PWWP3A: variants seen among roughly 807,000 people sequenced by gnomAD.
PWWP3A encodes PWWP domain containing 3A, DNA repair factor, also known as PWWP domain-containing DNA repair factor 3A.
PWWP3A carries 53 observed loss-of-function variants against 79.0 expected under a neutral mutation model. That is an observed-to-expected ratio of 0.67 (90% confidence interval 0.54 to 0.84). PWWP3A has a LOEUF of 0.84. Among genes scored for constraint, PWWP3A ranks in the 40% least tolerant of loss-of-function variants. The pLI is 0.00. For synonymous variants in PWWP3A, 443 were observed against 394.4 expected (o/e 1.12, Z -1.46); for missense variants, 973 against 948.0 (o/e 1.03, Z -0.35).
In PWWP3A at chr19:1,362,304, A is replaced by G. The variant is rs777084880; in HGVS notation, c.1166A>G (p.Glu389Gly). 1 of 1,613,760 alleles carries G rather than the reference A, an allele frequency of 6.2e-7. No homozygotes were observed. The highest frequency in any genetic ancestry group is 1.1e-5 in the South Asian group (1 of 90,998). Residue 389 changes from glutamate to glycine, a missense_variant, in exon 6 of 14, where the codon GAG becomes GGG. Physicochemically the swap from Glu to Gly is moderately conservative, Grantham distance 98. Transcript: ENST00000591337. The stretch of plus-strand genomic sequence containing the variant: ...TCTAATTCCATGCGTTCTATCCTGG[A>G]GGAAGACGAGGAAGACGAGGAGCCA... ...MGSNSMRSIL[E>G]EDEEDEEPPR...
chr19:1,364,149 A>G (rs773348596), intron 6 of PWWP3A: 6 of 532,646 alleles, frequency 1.1e-5, no homozygotes, highest in Non-Finnish European at 2.2e-5. Context: ...CACACTCTTT[A>G]AAAGTGTCTT....
chr19:1,369,095 C>T lies in PWWP3A; in HGVS notation c.1423-170C>T. On this transcript the variant is annotated intron_variant, in intron 9 of 13. Transcript: ENST00000591337. This position sits in a 1 kb window ranked among gnomAD's most constrained non-coding sequence, Gnocchi z 4.0. ...GTGCGTTTCCCATTTACCAGAGGGT[C>T]CCTGTGCGAGGCGTCTGCCAGAGCC... is the stretch of plus-strand genomic sequence containing the variant. 1 of 616,194 alleles carries T rather than the reference C, an allele frequency of 1.6e-6. No homozygotes were observed. The highest frequency in any genetic ancestry group is 2.8e-5 in the East Asian group (1 of 35,136). The allele number at this position is 616,194 out of a possible 1,614,324, so 38.2% of individuals were successfully genotyped here.
At chr19:1,365,571 A>G (rs943323064) in intron 7 of PWWP3A, among the ~76,000 whole-genome samples, 1 of 152,238 alleles carries the variant, frequency 6.6e-6, no homozygotes, top group African/African-American at 2.4e-5. Flanking sequence ...GGGGAGGTTC[A>G]ACACGTTTAT....
chr19:1,362,033 C>CTCCCTCCT (rs371940039), intron 5 of PWWP3A: 48 of 394,926 alleles, frequency 1.2e-4, no homozygotes, highest in Non-Finnish European at 1.7e-4. Context: ...GCCTCTCTCC[C>CTCCCTCCT]TCCCTCCTTC....
At chr19:1,366,633 C>T (rs750375026) in intron 8 of PWWP3A, among the ~76,000 whole-genome samples, 7 of 152,222 alleles carry the variant, frequency 4.6e-5, no homozygotes, top group Non-Finnish European at 8.8e-5. Context: ...ACTTGATTTG[C>T]TGGCTTTGAA....
rs1007332743 is a variant in PWWP3A at position 1,378,095 on chromosome 19, C to T, written c.*1519C>T. 2 of 152,254 alleles carry T rather than the reference C, an allele frequency of 1.3e-5. No individual in the cohort carries two copies. Among genetic ancestry groups the T allele is most frequent in the Non-Finnish European group, 2.9e-5 (2 of 68,084 alleles). The allele number at this position is 152,254 out of a possible 1,614,324, so 9.4% of individuals were successfully genotyped here. A position where few individuals can be genotyped will look rare whatever the true frequency, so the allele number is the denominator to read the frequency against. On this transcript the variant is annotated 3_prime_UTR_variant, in exon 14 of 14. Transcript: ENST00000591337. ...GCCCGCACGCTGGGGTCTGTCTTGT[C>T]TGGAGCAGTGGGGCACACCCCGGAG...
chr19:1,376,433 CG>C (rs1480271753), intron 13 of PWWP3A, 85 bp from the exon 14 acceptor site: 2 of 1,372,434 alleles, frequency 1.5e-6, no homozygotes, highest in African/African-American at 2.9e-5. Flanking sequence ...GGATTACAGG[CG>C]TGAGCGACCA....
At chr19:1,356,190 A>C in intron 1 of PWWP3A, 134 bp from the exon 2 acceptor site, 2 of 592,432 alleles carry the variant, frequency 3.4e-6, no homozygotes, top group East Asian at 2.9e-5. Flanking sequence ...GGCATTGAGC[A>C]TCTCAATGCA....
At position 1,359,996 on chromosome 19, in the gene PWWP3A, G is replaced by A. The variant is rs1600100530; in HGVS notation, c.215-140G>A. ...CTCCTTTTTGGGAAAATGTAGGTGA[G>A]AAATGTTAGTCCTCCCCTTCAGTGA... On this transcript the variant is annotated intron_variant, in intron 4 of 13. Transcript: ENST00000591337. 6 of 793,438 alleles carry A rather than the reference G, an allele frequency of 7.6e-6. No homozygotes were observed. The East Asian group carries it at 1.8e-4, about 24-fold the overall frequency. The allele number at this position is 793,438 out of a possible 1,614,324, so 49.1% of individuals were successfully genotyped here. A position where few individuals can be genotyped will look rare whatever the true frequency, so the allele number is the denominator to read the frequency against.
Position 1,371,090 on chromosome 19 carries a change from A to G in PWWP3A, c.1986+12A>G. 6.4e-7 allele frequency: 1 copy of G among 1,553,580 alleles called. No homozygotes were observed. On this transcript the variant is annotated intron_variant, in intron 12 of 13. Transcript: ENST00000591337. ...TGCTTCTGCCCGAGGTGAGCCGCGG[A>G]CCGGCGTGTCACGTGGGCAGGGAGG...
At chr19:1,370,587 C>A (rs958201532) in intron 11 of PWWP3A, 55 bp from the exon 12 acceptor site, 1 of 1,417,632 alleles carries the variant, frequency 7.1e-7, no homozygotes, top group Non-Finnish European at 9.3e-7. Flanking sequence ...TGACCCACAG[C>A]CACCCGAGGA....
At chr19:1,367,314 G>A (rs1426481949) in intron 9 of PWWP3A, 94 bp downstream of exon 9, 8 of 1,078,124 alleles carry the variant, frequency 7.4e-6, no homozygotes, top group Admixed American at 6.2e-5. Context: ...CCATGGCTGC[G>A]GTGTACGCGT....
chr19:1,362,140 T>G (rs1450571110), intron 5 of PWWP3A, 110 bp from the exon 6 acceptor site: 1 of 839,468 alleles, frequency 1.2e-6, no homozygotes, highest in Non-Finnish European at 1.9e-6. Flanking sequence ...GTGTATAGCA[T>G]GGAACCTTTT....
Position 1,376,644 on chromosome 19 carries a change from C to G in PWWP3A, c.*68C>G, listed in dbSNP as rs2082409710. On this transcript the variant is annotated 3_prime_UTR_variant, in exon 14 of 14. Transcript: ENST00000591337. Reference sequence around the variant, plus strand: ...GCGCCTCCAGTGTGCATGAGCGTGTCTGAAGATGGGGGGCTCAGGGGGCAC... The same window carrying G: ...GCGCCTCCAGTGTGCATGAGCGTGTGTGAAGATGGGGGGCTCAGGGGGCAC... The G allele has an allele frequency of 6.6e-7, 1 of 1,526,154 alleles. No homozygotes were observed. Among genetic ancestry groups the G allele is most frequent in the Non-Finnish European group, 9.0e-7 (1 of 1,107,844 alleles). The allele number at this position is 1,526,154 out of a possible 1,614,324, so 94.5% of individuals were successfully genotyped here. A position where few individuals can be genotyped will look rare whatever the true frequency, so the allele number is the denominator to read the frequency against.
At chr19:1,366,238 C>G in intron 7 of PWWP3A, 67 bp from the exon 8 acceptor site, 2 of 1,552,752 alleles carry the variant, frequency 1.3e-6, no homozygotes, top group Non-Finnish European at 1.8e-6. Context: ...TGTGATGTCA[C>G]AAAAAAATAT....
chr19:1,374,342 C>T (rs189737673), intron 13 of PWWP3A: 11 of 152,326 alleles, frequency 7.2e-5, no homozygotes, highest in East Asian at 3.9e-4. Flanking sequence ...GATTTCATCA[C>T]GCCGGGGACA....
chr19:1,375,895 C>T (rs2082380741), intron 13 of PWWP3A, among the ~76,000 whole-genome samples: 1 of 131,860 alleles, frequency 7.6e-6, no homozygotes, highest in African/African-American at 3.0e-5. Flanking sequence ...AACCCCCCCA[C>T]CGTGCCTTGG....
intron 12 of PWWP3A, chr19:1,372,488 G>C (rs892941593): frequency 1.3e-5 from 2 of 152,076 alleles, no homozygotes; most frequent in Non-Finnish European, 2.9e-5. Context: ...GCCGGGTGTG[G>C]TGGCTCGCAT....
chr19:1,366,470 C>A, intron 8 of PWWP3A, 89 bp downstream of exon 8: 2 of 1,232,692 alleles, frequency 1.6e-6, no homozygotes, highest in Non-Finnish European at 2.4e-6. Flanking sequence ...GATGGAGGGA[C>A]AGAGGGGAGG....
Sources: allele counts gnomAD v4.1 joint callset (sites outside exome capture counted in the v4.1 genomes callset), GRCh38; gene constraint gnomAD v4.1.1; non-coding constraint Gnocchi (gnomAD v3.1); transcripts MANE v1.5; gene names NCBI Gene and HGNC (gene_info 2026-07-23, HGNC 2026-07-21).